Variants in ULK4 observed in about 807,000 individuals in gnomAD.
ULK4 encodes unc-51 like kinase 4.
In ULK4, 133 loss-of-function variants were observed where a neutral mutation model predicts 160.6. That is an observed-to-expected ratio of 0.83 (90% CI 0.72 to 0.96). The LOEUF (loss-of-function observed/expected upper bound fraction) is 0.96, where lower values mean the gene tolerates loss of function less well. ULK4 is among the 40% of genes least tolerant of loss of function. The pLI is 0.00. For missense variants in ULK4, 1,580 were observed against 1,499.5 expected (o/e 1.05, Z -0.89); for synonymous variants, 534 against 539.8 (o/e 0.99, Z 0.15).
chr3:41,512,524 A>G (rs2085613039), intron 32 of ULK4, among the ~76,000 whole-genome samples: 1 of 152,342 alleles, frequency 6.6e-6, no homozygotes, highest in African/African-American at 2.4e-5. Flanking sequence ...TTTTTACAAT[A>G]GCTGTAAAAA....
intron 5 of ULK4, among the ~76,000 whole-genome samples, chr3:41,926,218 G>A (rs192196680): frequency 1.3e-5 from 2 of 152,296 alleles, no homozygotes; most frequent in African/African-American, 4.8e-5. Flanking sequence ...AGGGTCTGGA[G>A]TGCACCTCCA....
chr3:41,911,474 A>G (rs1043973280), intron 10 of ULK4, 67 bp downstream of exon 10: 1 of 1,586,680 alleles, frequency 6.3e-7, no homozygotes, highest in Non-Finnish European at 8.7e-7. Context: ...AAGGGACATA[A>G]CACTGAAATT....
intron 20 of ULK4, among the ~76,000 whole-genome samples, chr3:41,797,549 A>T (rs2040338595): frequency 6.6e-6 from 1 of 152,196 alleles, no homozygotes; most frequent in Admixed American, 6.6e-5. Flanking sequence ...AGACTGGAGG[A>T]GACTAAAGAG....
intron 27 of ULK4, among the ~76,000 whole-genome samples, chr3:41,693,606 C>T (rs1393569427): frequency 1.3e-5 from 2 of 152,126 alleles, no homozygotes; most frequent in East Asian, 1.9e-4. Flanking sequence ...TAAGAAAACA[C>T]ATGCCCACTC....
intron 22 of ULK4, among the ~76,000 whole-genome samples, chr3:41,743,418 C>T (rs1017735264): frequency 6.6e-6 from 1 of 151,280 alleles, no homozygotes; most frequent in African/African-American, 2.4e-5. Flanking sequence ...GAAAAAGTAA[C>T]CTTTTTTTCC....
chr3:41,644,208 G>A (rs1347340931), intron 30 of ULK4, among the ~76,000 whole-genome samples: 1 of 151,830 alleles, frequency 6.6e-6, no homozygotes, highest in African/African-American at 2.4e-5. Flanking sequence ...TAATTGTCCT[G>A]GCCAGAACTT....
At chr3:41,787,797 C>A (rs535330402) in intron 21 of ULK4, among the ~76,000 whole-genome samples, 33 of 152,218 alleles carry the variant, frequency 2.2e-4, no homozygotes, top group African/African-American at 7.9e-4. Context: ...GTTTATCACG[C>A]CATACAATTG....
intron 29 of ULK4, among the ~76,000 whole-genome samples, chr3:41,678,122 C>G (rs182505488): frequency 2.0e-3 from 296 of 151,062 alleles, no homozygotes; most frequent in Non-Finnish European, 2.5e-3. Flanking sequence ...GATCTTGGGA[C>G]TTCTCAACCT....
At chr3:41,587,263 TTCTCA>T (rs1360564872) in intron 31 of ULK4, among the ~76,000 whole-genome samples, 7 of 152,222 alleles carry the variant, frequency 4.6e-5, no homozygotes, top group Non-Finnish European at 1.0e-4. Context: ...CATTCATTCC[TTCTCA>T]TATTTTGAGT....
At chr3:41,748,983 G>A (rs754022351) in intron 22 of ULK4, among the ~76,000 whole-genome samples, 54 of 152,038 alleles carry the variant, frequency 3.6e-4, no homozygotes, top group African/African-American at 1.1e-3. Context: ...CCACCATCCC[G>A]GCTATTCAAA....
At chr3:41,363,501 G>A (rs2081189104) in intron 35 of ULK4, among the ~76,000 whole-genome samples, 1 of 152,116 alleles carries the variant, frequency 6.6e-6, no homozygotes, top group Admixed American at 6.6e-5. Flanking sequence ...CACAGCTCTG[G>A]TTCTTGCTGA....
At chr3:41,489,957 C>A (rs967504697) in intron 32 of ULK4, among the ~76,000 whole-genome samples, 2 of 152,186 alleles carry the variant, frequency 1.3e-5, no homozygotes, top group African/African-American at 2.4e-5. Flanking sequence ...CCCAAACTGA[C>A]ATCTTCAGCA....
In ULK4 at chr3:41,912,852, A is replaced by G; in HGVS notation, c.851T>C (p.Phe284Ser). The change falls in exon 9 of 37, where the codon TTT (phenylalanine) becomes TCT (serine). Residue 284 changes from phenylalanine to serine, a missense_variant. Physicochemically the swap from Phe to Ser is radical, Grantham distance 155. Coordinates refer to ENST00000301831, the MANE Select transcript of ULK4 (RefSeq NM_017886.4). ...GCTTGATTCCTGATCTGCTCCAGCA[A>G]AAGCTTTCTTCCAAAATGAATGCTG... The part of the protein sequence containing the change: ...LLQHSFWKKA[F>S]AGADQESSVE... The G allele has an allele frequency of 6.2e-7, 1 of 1,614,122 alleles. No individual in the cohort carries two copies. Among genetic ancestry groups the G allele is most frequent in the Non-Finnish European group, 8.5e-7 (1 of 1,179,972 alleles).
intron 35 of ULK4, among the ~76,000 whole-genome samples, chr3:41,249,787 C>G (rs1377443291): frequency 6.6e-6 from 1 of 152,186 alleles, no homozygotes; most frequent in Non-Finnish European, 1.5e-5. Context: ...TGGTGGTCCT[C>G]AGGGGAGGGG....
chr3:41,744,761 A>G (rs2038360076), intron 22 of ULK4, among the ~76,000 whole-genome samples: 2 of 151,898 alleles, frequency 1.3e-5, no homozygotes, highest in African/African-American at 2.4e-5. Flanking sequence ...CAGAATGTAC[A>G]TGCTTTTCAA....
chr3:41,534,205 A>G (rs375478804), intron 32 of ULK4, among the ~76,000 whole-genome samples: 2 of 152,236 alleles, frequency 1.3e-5, no homozygotes, highest in East Asian at 1.9e-4. Flanking sequence ...AAAAAACCTA[A>G]TAAGAAATGA....
chr3:41,926,007 C>T (rs558991296), intron 5 of ULK4, among the ~76,000 whole-genome samples: 2 of 152,178 alleles, frequency 1.3e-5, no homozygotes, highest in African/African-American at 4.8e-5. Context: ...TGCTGAAGGT[C>T]AGACTACCTT....
chr3:41,904,476 T>C (rs1698483683), intron 12 of ULK4, among the ~76,000 whole-genome samples: 1 of 151,760 alleles, frequency 6.6e-6, no homozygotes, highest in Non-Finnish European at 1.5e-5. Context: ...ATATGTAAAA[T>C]AAACTACCTT....
chr3:41,594,659 C>G (rs1221562331), intron 31 of ULK4, among the ~76,000 whole-genome samples: 1 of 152,044 alleles, frequency 6.6e-6, no homozygotes, highest in Non-Finnish European at 1.5e-5. Flanking sequence ...GCTTTATAGC[C>G]CCAGTTAGAG....
Sources: gnomAD v4.1 joint callset for allele counts (sites outside exome capture counted in the v4.1 genomes callset) on GRCh38, gnomAD v4.1.1 for gene constraint, MANE v1.5 for transcripts, NCBI Gene and HGNC (gene_info 2026-07-23, HGNC 2026-07-21) for gene names.